The following NRXN3 variants were observed in gnomAD, a reference collection of about 807,000 sequenced individuals.
NRXN3 encodes neurexin III.
In NRXN3, 32 loss-of-function variants were observed where a neutral mutation model predicts 137.6. That is an observed-to-expected ratio of 0.23 (90% CI 0.18 to 0.31). The LOEUF (loss-of-function observed/expected upper bound fraction) is 0.31, where lower values mean the gene tolerates loss of function less well. Ranked by LOEUF, NRXN3 falls within the 10% of genes least tolerant of loss-of-function variation. The pLI is 1.00. For missense variants in NRXN3, 1,574 were observed against 2,062.5 expected (o/e 0.76, Z 4.59); for synonymous variants, 798 against 784.5 (o/e 1.02, Z -0.29).
chr14:78,528,612 T>C (rs577658151), intron 4 of NRXN3, among the ~76,000 whole-genome samples: 1 of 152,160 alleles, frequency 6.6e-6, no homozygotes, highest in East Asian at 1.9e-4. Context: ...TTTTGATAGA[T>C]TCAGGATAAA....
chr14:79,253,965 G>C (rs967257824), intron 15 of NRXN3, among the ~76,000 whole-genome samples: 2 of 152,200 alleles, frequency 1.3e-5, no homozygotes, highest in African/African-American at 4.8e-5. Context: ...CATAGTTTCA[G>C]CTTATGAACT....
At chr14:78,248,302 GCC>G (rs1177541167) in intron 2 of NRXN3, among the ~76,000 whole-genome samples, 6 of 22,556 alleles carry the variant, frequency 2.7e-4, no homozygotes, top group African/African-American at 8.2e-4. Context: ...ACCGCCCCCC[GCC>G]CCCCCCCCCC....
chr14:78,816,526 A>G (rs1200463708), intron 10 of NRXN3, among the ~76,000 whole-genome samples: 1 of 152,106 alleles, frequency 6.6e-6, no homozygotes, highest in African/African-American at 2.4e-5. Context: ...ATAACATTTC[A>G]TTTTAGGGGG....
rs142418704 is a variant in NRXN3, at chr14:78,675,348, A to T, written c.1221+24022A>T. ...GAGTGGAATCTAAAAGTCTCTAAAC[A>T]TAAAGAAATACCTGTAAGATGTCTC... On this transcript the variant is annotated intron_variant, in intron 6 of 20. Coordinates refer to ENST00000335750, the MANE Select transcript of NRXN3 (RefSeq NM_001330195.2). Among the ~76,000 whole-genome samples the T allele has an allele frequency of 1.1e-3, 174 of 152,334 alleles. 1 individual carries two copies. The highest frequency in any genetic ancestry group is 4.1e-3 in the African/African-American group (169 of 41,584).
chr14:78,245,496 A>G (rs991893941), intron 2 of NRXN3, among the ~76,000 whole-genome samples: 1 of 152,172 alleles, frequency 6.6e-6, no homozygotes, highest in African/African-American at 2.4e-5. Flanking sequence ...AGATCTCTTC[A>G]TTCAGATAAG....
At chr14:79,135,892 A>G (rs988228317) in intron 15 of NRXN3, among the ~76,000 whole-genome samples, 17 of 152,214 alleles carry the variant, frequency 1.1e-4, no homozygotes, top group Admixed American at 9.2e-4. Context: ...CTTGACATGA[A>G]ACTACAGCTA....
Position 79,182,644 on chromosome 14 carries a change from G to A in NRXN3, c.3262+194503G>A, listed in dbSNP as rs529975129. 9.2e-5 allele frequency among the ~76,000 whole-genome samples: 14 copies of A among 152,214 alleles called. No homozygotes were observed. In the South Asian group the frequency reaches 2.7e-3, roughly 29 times the overall value. On this transcript the variant is annotated intron_variant, in intron 15 of 20. Coordinates refer to ENST00000335750, the MANE Select transcript of NRXN3 (RefSeq NM_001330195.2). ...CCTGCTGCTCACCTCCTGCTGTGTG[G>A]CCCCAGTTTCTAACGGGCCACAGAC...
At chr14:78,976,973 A>G (rs1014850254) in intron 14 of NRXN3, among the ~76,000 whole-genome samples, 2 of 152,162 alleles carry the variant, frequency 1.3e-5, no homozygotes, top group Non-Finnish European at 2.9e-5. Context: ...TAGCTGATAG[A>G]TACTGTTGTC....
At chr14:79,065,351 A>T (rs570745034) in intron 15 of NRXN3, among the ~76,000 whole-genome samples, 1 of 152,262 alleles carries the variant, frequency 6.6e-6, no homozygotes, top group African/African-American at 2.4e-5. Flanking sequence ...CACTTACTTC[A>T]TAAAGGCATG....
rs2049233775 is a variant in NRXN3 at position 79,091,724 on chromosome 14, G to A, written c.3262+103583G>A. On this transcript the variant is annotated intron_variant, in intron 15 of 20. Coordinates refer to ENST00000335750, the MANE Select transcript of NRXN3 (RefSeq NM_001330195.2). Reference sequence around the variant, plus strand: ...TAAAGACCTAGTTAGTACCCCAGGAGACCCCAAGACAGGGCTTCTGCCCAT... The same window carrying A: ...TAAAGACCTAGTTAGTACCCCAGGAAACCCCAAGACAGGGCTTCTGCCCAT... 2.6e-5 allele frequency among the ~76,000 whole-genome samples: 4 copies of A among 152,088 alleles called. No individual in the cohort carries two copies. In the South Asian group the frequency reaches 6.2e-4, roughly 24 times the overall value.
At chr14:79,763,873 C>G (rs1200164736) in intron 19 of NRXN3, among the ~76,000 whole-genome samples, 3 of 151,620 alleles carry the variant, frequency 2.0e-5, no homozygotes, top group African/African-American at 7.3e-5. Context: ...GTGGGGCACA[C>G]ACATTCAGAT....
chr14:78,847,874 G>A (rs1319210942), intron 10 of NRXN3, among the ~76,000 whole-genome samples: 3 of 152,072 alleles, frequency 2.0e-5, no homozygotes, highest in Non-Finnish European at 4.4e-5. Context: ...AGAAAGAAAG[G>A]TCACTCGCCA....
intron 19 of NRXN3, among the ~76,000 whole-genome samples, chr14:79,725,719 T>A (rs944324870): frequency 5.9e-5 from 9 of 152,198 alleles, no homozygotes; most frequent in Non-Finnish European, 1.0e-4. Context: ...AGCAGCCTCA[T>A]GTTCTCGCTA....
chr14:78,564,667 A>G (rs950316810), intron 4 of NRXN3, among the ~76,000 whole-genome samples: 1 of 152,012 alleles, frequency 6.6e-6, no homozygotes, highest in Non-Finnish European at 1.5e-5. Flanking sequence ...TCTGGTCTGC[A>G]TTTTCCAGCT....
chr14:79,038,219 T>G (rs2099619371), intron 15 of NRXN3, among the ~76,000 whole-genome samples: 1 of 151,948 alleles, frequency 6.6e-6, no homozygotes, highest in Non-Finnish European at 1.5e-5. Flanking sequence ...GTTGAGAACG[T>G]TATTTTTTCT....
At chr14:79,642,550 AT>A (rs1303866436) in intron 16 of NRXN3, among the ~76,000 whole-genome samples, 1 of 133,734 alleles carries the variant, frequency 7.5e-6, no homozygotes, top group African/African-American at 2.5e-5. Flanking sequence ...TTTTTTTTTA[AT>A]TCAAGCCACT....
At chr14:78,446,256 A>C (rs746959097) in intron 4 of NRXN3, among the ~76,000 whole-genome samples, 11 of 151,918 alleles carry the variant, frequency 7.2e-5, no homozygotes, top group Non-Finnish European at 1.3e-4. Flanking sequence ...TTTTTTCCCC[A>C]AATTTTATTT....
intron 4 of NRXN3, among the ~76,000 whole-genome samples, chr14:78,559,957 T>C (rs1246388000): frequency 1.3e-5 from 2 of 152,224 alleles, no homozygotes; most frequent in Admixed American, 6.5e-5. Flanking sequence ...GGATTGTAAA[T>C]TGCATCTTTC....
intron 15 of NRXN3, among the ~76,000 whole-genome samples, chr14:79,120,515 T>A (rs901275611): frequency 6.6e-6 from 1 of 151,922 alleles, no homozygotes; most frequent in Non-Finnish European, 1.5e-5. Context: ...TAAATATCAG[T>A]GAATATTCAG....
Sources: gnomAD v4.1 joint callset for allele counts (sites outside exome capture counted in the v4.1 genomes callset) on GRCh38, gnomAD v4.1.1 for gene constraint, MANE v1.5 for transcripts, NCBI Gene and HGNC (gene_info 2026-07-23, HGNC 2026-07-21) for gene names.